Variants in LEKR1 observed in about 807,000 individuals in gnomAD.
LEKR1 encodes the protein protein LEKR1.
A neutral mutation model predicts 72.4 loss-of-function variants in LEKR1; 59 were observed. The observed-to-expected ratio is 0.82, with a 90% CI of 0.66 to 1.01. LEKR1 has a LOEUF of 1.01. Among genes scored for constraint, LEKR1 ranks in the 50% least tolerant of loss-of-function variants. The probability of loss-of-function intolerance (pLI) is 0.00; values close to 1 mark genes in which losing one functional copy is unlikely to be tolerated. For missense variants in LEKR1, 728 were observed against 759.2 expected, an observed-to-expected ratio of 0.96 and a Z score of 0.48; for synonymous variants, 257 against 263.2, an observed-to-expected ratio of 0.98 and a Z score of 0.23.
chr3:156,993,430 C>T (rs1444234418), intron 9 of LEKR1, among the ~76,000 whole-genome samples, 153 bp downstream of exon 9: 2 of 152,034 alleles, frequency 1.3e-5, no homozygotes, highest in Non-Finnish European at 2.9e-5. Flanking sequence ...ATCCCACCAC[C>T]TCATTTTACA....
chr3:156,830,348 A>G (rs1576621144), intron 2 of LEKR1, among the ~76,000 whole-genome samples: 2 of 152,232 alleles, frequency 1.3e-5, no homozygotes, highest in East Asian at 3.8e-4. Flanking sequence ...CAAAGGACAC[A>G]TTTAGCATGC....
At chr3:156,960,629 CT>C (rs1728039814) in intron 6 of LEKR1, among the ~76,000 whole-genome samples, 1 of 152,134 alleles carries the variant, frequency 6.6e-6, no homozygotes, top group South Asian at 2.1e-4. Flanking sequence ...ACATGAAAAA[CT>C]TTTAACTTTG....
chr3:157,008,565 T>G (rs1189157142), intron 9 of LEKR1, among the ~76,000 whole-genome samples: 1 of 152,174 alleles, frequency 6.6e-6, no homozygotes, highest in Non-Finnish European at 1.5e-5. Context: ...TCTCCTTCTC[T>G]CCTTCCTCAG....
intron 6 of LEKR1, among the ~76,000 whole-genome samples, chr3:156,954,879 C>A (rs548680000): frequency 6.6e-6 from 1 of 152,014 alleles, no homozygotes; most frequent in East Asian, 1.9e-4. Flanking sequence ...ATAGTTTTTT[C>A]TAGTTGTGTG....
At chr3:156,941,573 T>C (rs529474938) in intron 5 of LEKR1, among the ~76,000 whole-genome samples, 1 of 152,210 alleles carries the variant, frequency 6.6e-6, no homozygotes, top group South Asian at 2.1e-4. Context: ...CAACCACTTT[T>C]GACATCTCGT....
chr3:157,014,814 TA>T (rs1181833968), intron 10 of LEKR1, among the ~76,000 whole-genome samples: 4 of 152,166 alleles, frequency 2.6e-5, no homozygotes, highest in African/African-American at 9.7e-5. Flanking sequence ...ATGACATTAT[TA>T]TTTCCATTTT....
Position 157,002,643 on chromosome 3 carries a change from G to C in LEKR1, c.1110-8770G>C, listed in dbSNP as rs373716340. On this transcript the variant is annotated intron_variant, in intron 9 of 12. Coordinates refer to ENST00000356539, the MANE Select transcript of LEKR1 (RefSeq NM_001004316.3). Reference sequence around the variant, plus strand: ...AATGGAGGCTCAGCAGGGAATCAAAGCGGTATAAAAGTCCTTCTCATTTCT... The same window carrying C: ...AATGGAGGCTCAGCAGGGAATCAAACCGGTATAAAAGTCCTTCTCATTTCT... Among the ~76,000 whole-genome samples, 24 of 152,252 alleles carry C rather than the reference G, an allele frequency of 1.6e-4. No individual in the cohort carries two copies. In the South Asian group the frequency reaches 3.9e-3, roughly 25 times the overall value.
intron 10 of LEKR1, among the ~76,000 whole-genome samples, chr3:157,024,502 A>G (rs913955839): frequency 6.6e-5 from 10 of 152,186 alleles, no homozygotes; most frequent in African/African-American, 2.4e-4. Flanking sequence ...AGCTTTTAGT[A>G]TTTCTGAAAA....
chr3:156,929,543 C>G (rs1291256000), intron 5 of LEKR1, among the ~76,000 whole-genome samples: 1 of 152,078 alleles, frequency 6.6e-6, no homozygotes, highest in Non-Finnish European at 1.5e-5. Flanking sequence ...ACTGCTAGCA[C>G]AAATTCCAAT....
chr3:156,945,690 G>A (rs1726614962), intron 6 of LEKR1, among the ~76,000 whole-genome samples: 1 of 151,508 alleles, frequency 6.6e-6, no homozygotes, highest in African/African-American at 2.4e-5. Context: ...TTTCCCAGGA[G>A]CATTTACTGA....
intron 7 of LEKR1, among the ~76,000 whole-genome samples, chr3:156,980,478 C>T (rs568291131): frequency 7.0e-4 from 106 of 150,444 alleles, no homozygotes; most frequent in Non-Finnish European, 1.3e-3. Flanking sequence ...AATTGGTGGA[C>T]GGGGGTCCTT....
chr3:156,936,472 G>A (rs1033211891), intron 5 of LEKR1, among the ~76,000 whole-genome samples: 111 of 116,210 alleles, frequency 9.6e-4, no homozygotes, highest in African/African-American at 4.8e-3. Context: ...CACACCCCCC[G>A]TATGCCTAGC....
At chr3:156,838,771 C>T (rs1289447491) in intron 2 of LEKR1, among the ~76,000 whole-genome samples, 2 of 152,130 alleles carry the variant, frequency 1.3e-5, no homozygotes, top group African/African-American at 2.4e-5. Flanking sequence ...CCAATTCCAA[C>T]ATACTGGTGG....
At chr3:156,835,675 G>A (rs1272655444) in intron 2 of LEKR1, among the ~76,000 whole-genome samples, 4 of 152,052 alleles carry the variant, frequency 2.6e-5, no homozygotes, top group African/African-American at 9.7e-5. Flanking sequence ...TCACCCTGTA[G>A]TAACTCAATT....
intron 9 of LEKR1, among the ~76,000 whole-genome samples, chr3:157,010,203 C>G (rs1394460912): frequency 6.6e-6 from 1 of 150,472 alleles, no homozygotes; most frequent in South Asian, 2.1e-4. Context: ...TTTTTGTTTT[C>G]CATTGATTAC....
chr3:156,891,133 A>G (rs1400438488), intron 3 of LEKR1, among the ~76,000 whole-genome samples: 2 of 151,938 alleles, frequency 1.3e-5, no homozygotes, highest in African/African-American at 4.8e-5. Flanking sequence ...CGGCCTCCCA[A>G]AGTGCTGGGA....
At chr3:156,837,175 G>C (rs1051429543) in intron 2 of LEKR1, among the ~76,000 whole-genome samples, 31 of 152,166 alleles carry the variant, frequency 2.0e-4, no homozygotes, top group Non-Finnish European at 8.8e-5. Context: ...TAAGCAAGAG[G>C]TATTCTTAGA....
chr3:156,861,494 C>T (rs1346949577), intron 3 of LEKR1, among the ~76,000 whole-genome samples: 1 of 152,040 alleles, frequency 6.6e-6, no homozygotes, highest in South Asian at 2.1e-4. Flanking sequence ...CTTTTCAATC[C>T]CTCACATCTC....
intron 2 of LEKR1, among the ~76,000 whole-genome samples, chr3:156,834,872 A>T (rs543930551): frequency 1.3e-5 from 2 of 152,322 alleles, no homozygotes; most frequent in South Asian, 4.1e-4. Flanking sequence ...AATCTTTAAA[A>T]CTATACTTAA....
Sources: gnomAD v4.1 joint callset for allele counts (sites outside exome capture counted in the v4.1 genomes callset) on GRCh38, gnomAD v4.1.1 for gene constraint, MANE v1.5 for transcripts, NCBI Gene and HGNC (gene_info 2026-07-23, HGNC 2026-07-21) for gene names.